Variants in CTNNA2 observed in about 807,000 individuals in gnomAD.
CTNNA2 encodes the protein catenin alpha-2.
In CTNNA2, 42 loss-of-function variants were observed where a neutral mutation model predicts 101.0. That is an observed-to-expected ratio of 0.42 (90% CI 0.32 to 0.54). CTNNA2 has a LOEUF of 0.54. Ranked by LOEUF, CTNNA2 falls within the 20% of genes least tolerant of loss-of-function variation. The probability of loss-of-function intolerance (pLI) is 0.14; values close to 1 mark genes in which losing one functional copy is unlikely to be tolerated. For synonymous variants in CTNNA2, 450 were observed against 456.4 expected (o/e 0.99, Z 0.18); for missense variants, 871 against 1,223.1 (o/e 0.71, Z 4.29).
chr2:79,288,931 A>G (rs1255409023), intron 2 of CTNNA2, among the ~76,000 whole-genome samples: 1 of 151,850 alleles, frequency 6.6e-6, no homozygotes, highest in Non-Finnish European at 1.5e-5. Flanking sequence ...CAAAATTGAA[A>G]CAGAAAAAAG....
At chr2:80,584,775 T>C (rs1316066223) in intron 14 of CTNNA2, among the ~76,000 whole-genome samples, 1 of 152,140 alleles carries the variant, frequency 6.6e-6, no homozygotes, top group Non-Finnish European at 1.5e-5. Context: ...ATCACAGGAT[T>C]TATCATATAA....
chr2:80,308,856 G>T (rs1677269218), intron 7 of CTNNA2, among the ~76,000 whole-genome samples: 1 of 152,166 alleles, frequency 6.6e-6, no homozygotes, highest in Admixed American at 6.5e-5. Context: ...GAGGTGGGCA[G>T]ATCATCTGAG....
chr2:79,492,844 T>C (rs1359335650), intron 4 of CTNNA2, among the ~76,000 whole-genome samples: 1 of 152,004 alleles, frequency 6.6e-6, no homozygotes, highest in Admixed American at 6.5e-5. Flanking sequence ...TAGTAACATA[T>C]AAAAAAGATT....
At chr2:80,548,674 C>A (rs927965830) in intron 11 of CTNNA2, among the ~76,000 whole-genome samples, 4 of 152,146 alleles carry the variant, frequency 2.6e-5, no homozygotes, top group African/African-American at 9.7e-5. Flanking sequence ...CTGGAGCATG[C>A]CTTTGGAGTT....
At chr2:79,765,798 A>G (rs1337020493) in intron 3 of CTNNA2, among the ~76,000 whole-genome samples, 1 of 152,218 alleles carries the variant, frequency 6.6e-6, no homozygotes, top group Non-Finnish European at 1.5e-5. Context: ...ATGCAGCCTC[A>G]ACACTGTGAC....
At chr2:80,243,007 A>G (rs1044187095) in intron 7 of CTNNA2, among the ~76,000 whole-genome samples, 3 of 152,210 alleles carry the variant, frequency 2.0e-5, no homozygotes, top group Non-Finnish European at 4.4e-5. Context: ...CCAAATGCAG[A>G]TCAGAACTAG....
rs187544480 is a variant in CTNNA2 at position 79,524,635 on chromosome 2, A to G, written c.-6+11428A>G. On this transcript the variant is annotated intron_variant, in intron 1 of 18. Coordinates refer to ENST00000402739, the MANE Select transcript of CTNNA2 (RefSeq NM_001282597.3). ...ATTTCAGTGTCTTCTAATTTTAAAT[A>G]ATTTTTTGTCTTCTATCTTAGATTT... The G allele has an allele frequency of 5.0e-4, 76 of 152,040 alleles. 2 individuals carry two copies. The highest frequency in any genetic ancestry group is 1.8e-3 in the African/African-American group (74 of 41,556). 9.4% of individuals were successfully genotyped at this position (152,040 alleles called of 1,614,324 possible). A position where few individuals can be genotyped will look rare whatever the true frequency, so the allele number is the denominator to read the frequency against.
chr2:79,612,680 A>G (rs1423779436), intron 1 of CTNNA2, among the ~76,000 whole-genome samples: 1 of 152,180 alleles, frequency 6.6e-6, no homozygotes, highest in Non-Finnish European at 1.5e-5. Context: ...GGATGAAAGC[A>G]TAGAAAGAAA....
intron 7 of CTNNA2, among the ~76,000 whole-genome samples, chr2:80,373,641 A>G (rs539808866): frequency 6.6e-6 from 1 of 152,268 alleles, no homozygotes; most frequent in Admixed American, 6.5e-5. Context: ...TTACTTACTT[A>G]TTATTGAATT....
At chr2:80,089,392 G>A (rs1483974192) in intron 7 of CTNNA2, among the ~76,000 whole-genome samples, 1 of 151,970 alleles carries the variant, frequency 6.6e-6, no homozygotes, top group Non-Finnish European at 1.5e-5. Flanking sequence ...CAGGGTCTTA[G>A]AATCTCGGTT....
chr2:79,461,768 C>T (rs762594396), intron 4 of CTNNA2, among the ~76,000 whole-genome samples: 1 of 151,782 alleles, frequency 6.6e-6, no homozygotes, highest in Non-Finnish European at 1.5e-5. Context: ...TAAAAATTTA[C>T]CTTGAAAAGA....
intron 6 of CTNNA2, among the ~76,000 whole-genome samples, chr2:79,893,225 G>GT (rs1219641637): frequency 1.3e-5 from 2 of 152,094 alleles, no homozygotes; most frequent in East Asian, 3.9e-4. Context: ...CCTTCAGCCC[G>GT]TTTTCTCACA....
At chr2:79,982,253 T>C (rs1691369267) in intron 7 of CTNNA2, among the ~76,000 whole-genome samples, 1 of 88,582 alleles carries the variant, frequency 1.1e-5, no homozygotes, top group East Asian at 4.1e-4. Flanking sequence ...TATGTATATG[T>C]ACACACACAC....
intron 4 of CTNNA2, among the ~76,000 whole-genome samples, chr2:79,469,944 G>T (rs1188772753): frequency 6.6e-6 from 1 of 152,096 alleles, no homozygotes; most frequent in Admixed American, 6.5e-5. Context: ...GCAAAAACTG[G>T]AAACATTCCC....
At chr2:80,448,369 C>A (rs1298890359) in intron 9 of CTNNA2, among the ~76,000 whole-genome samples, 1 of 152,122 alleles carries the variant, frequency 6.6e-6, no homozygotes, top group East Asian at 1.9e-4. Flanking sequence ...TCAAATAGTT[C>A]AAAAAAATTA....
intron 4 of CTNNA2, among the ~76,000 whole-genome samples, chr2:79,495,146 C>T (rs888960334): frequency 7.2e-5 from 11 of 152,006 alleles, no homozygotes; most frequent in Non-Finnish European, 1.5e-4. Flanking sequence ...AAAACAACAA[C>T]TTTTGCGCTG....
rs530926670 is a variant in CTNNA2 at position 80,560,098 on chromosome 2, T to A, written c.1741+4205T>A. ...GAAAAAAGCATATTTTAAAAAGGGTTCTATGTTATGGAGCACTCTGTATGC... is the reference window on the plus strand; with the variant it reads ...GAAAAAAGCATATTTTAAAAAGGGTACTATGTTATGGAGCACTCTGTATGC... On this transcript the variant is annotated intron_variant, in intron 12 of 18. Coordinates refer to ENST00000402739, the MANE Select transcript of CTNNA2 (RefSeq NM_001282597.3). 2.6e-5 allele frequency among the ~76,000 whole-genome samples: 4 copies of A among 150,952 alleles called. No individual in the cohort carries two copies. The South Asian group carries it at 8.4e-4, about 32-fold the overall frequency.
At chr2:79,616,709 T>G (rs892528157) in intron 1 of CTNNA2, among the ~76,000 whole-genome samples, 1 of 152,132 alleles carries the variant, frequency 6.6e-6, no homozygotes, top group African/African-American at 2.4e-5. Context: ...GATATTTCAG[T>G]GAAAAGACTT....
intron 4 of CTNNA2, among the ~76,000 whole-genome samples, chr2:79,376,076 G>A (rs1010728657): frequency 1.3e-5 from 2 of 152,120 alleles, no homozygotes; most frequent in African/African-American, 4.8e-5. Context: ...GGCTCTTTTG[G>A]TTCAGGAGAA....
Sources: allele counts gnomAD v4.1 joint callset (sites outside exome capture counted in the v4.1 genomes callset), GRCh38; gene constraint gnomAD v4.1.1; transcripts MANE v1.5; gene names NCBI Gene and HGNC (gene_info 2026-07-23, HGNC 2026-07-21).